Variants in CACNG2 observed in about 807,000 individuals in gnomAD.
CACNG2 encodes calcium voltage-gated channel auxiliary subunit gamma 2, also known as voltage-dependent calcium channel gamma-2 subunit.
CACNG2 carries 3 observed loss-of-function variants against 25.9 expected under a neutral mutation model. The observed-to-expected ratio is 0.12, with a 90% CI of 0.05 to 0.30. The LOEUF (loss-of-function observed/expected upper bound fraction) is 0.30, where lower values mean the gene tolerates loss of function less well. Ranked by LOEUF, CACNG2 falls within the 10% of genes least tolerant of loss-of-function variation. CACNG2 has a pLI of 1.00. For missense variants in CACNG2, 341 were observed against 432.5 expected, an observed-to-expected ratio of 0.79 and a Z score of 1.88; for synonymous variants, 167 against 173.3, an observed-to-expected ratio of 0.96 and a Z score of 0.29.
chr22:36,609,556 G>A (rs1935897722), intron 1 of CACNG2, among the ~76,000 whole-genome samples: 1 of 129,306 alleles, frequency 7.7e-6, no homozygotes, highest in African/African-American at 3.0e-5. Flanking sequence ...GAGCGTGATT[G>A]GGCAGGAATC....
At chr22:36,627,279 CGTGTGTGTGTGTGTGT>C (rs58015913) in intron 1 of CACNG2, among the ~76,000 whole-genome samples, 7 of 131,148 alleles carry the variant, frequency 5.3e-5, no homozygotes, top group East Asian at 2.3e-4. Context: ...AGAGTGGGGA[CGTGTGTGTGTGTGTGT>C]GTGTGTGTGT....
intron 1 of CACNG2, among the ~76,000 whole-genome samples, chr22:36,622,308 G>A (rs1163567774): frequency 6.6e-6 from 1 of 152,220 alleles, no homozygotes; most frequent in Non-Finnish European, 1.5e-5. Context: ...TTGTGGAAAT[G>A]CAGACTGCAG....
At chr22:36,591,235 G>A (rs1935587678) in intron 1 of CACNG2, among the ~76,000 whole-genome samples, 1 of 151,990 alleles carries the variant, frequency 6.6e-6, no homozygotes, top group African/African-American at 2.4e-5. Flanking sequence ...TAGAGACGGG[G>A]TTTCACTGTG....
At chr22:36,694,093 G>T (rs1937301510) in intron 1 of CACNG2, among the ~76,000 whole-genome samples, 1 of 152,160 alleles carries the variant, frequency 6.6e-6, no homozygotes, top group Non-Finnish European at 1.5e-5. Flanking sequence ...CTGAGTCACG[G>T]GGCAGGCACC....
chr22:36,696,775 G>T (rs1008627540), intron 1 of CACNG2, among the ~76,000 whole-genome samples: 1 of 152,186 alleles, frequency 6.6e-6, no homozygotes, highest in Admixed American at 6.5e-5. Context: ...CAAATAAGGT[G>T]ATCTGAGAAA....
chr22:36,582,334 A>G (rs1033902679), intron 2 of CACNG2, among the ~76,000 whole-genome samples: 25 of 151,636 alleles, frequency 1.6e-4, no homozygotes, highest in African/African-American at 5.6e-4. Context: ...CACGGGGCTC[A>G]GTCCTATTCC....
intron 1 of CACNG2, among the ~76,000 whole-genome samples, chr22:36,672,341 A>G (rs569762573): frequency 2.0e-5 from 3 of 152,162 alleles, no homozygotes; most frequent in South Asian, 4.2e-4. Context: ...AAATTTTTAT[A>G]GAGACTTGGT....
At position 36,642,939 on chromosome 22, in the gene CACNG2, A is replaced by G. The variant is rs77790168; in HGVS notation, c.212-55391T>C. 1.8e-4 allele frequency among the ~76,000 whole-genome samples: 27 copies of G among 152,328 alleles called. No homozygotes were observed. The East Asian group carries it at 4.6e-3, about 26-fold the overall frequency. On this transcript the variant is annotated intron_variant, in intron 1 of 3. Transcript: ENST00000300105. ...TCTAGTGATCTTTTCAAAGCAAGCC[A>G]TGAAACAGTTGTGTGGTCAGATGGT... is the stretch of plus-strand genomic sequence containing the variant.
At chr22:36,577,924 A>G (rs1454841135) in intron 2 of CACNG2, among the ~76,000 whole-genome samples, 1 of 152,096 alleles carries the variant, frequency 6.6e-6, no homozygotes, top group African/African-American at 2.4e-5. Flanking sequence ...TGGGCAGTGG[A>G]CAGGTAGCAG....
chr22:36,586,125 C>G (rs548066034), intron 2 of CACNG2, among the ~76,000 whole-genome samples: 1 of 152,352 alleles, frequency 6.6e-6, no homozygotes, highest in Non-Finnish European at 1.5e-5. Context: ...GCTGTGTCTC[C>G]CAAGTTGAGC....
intron 1 of CACNG2, among the ~76,000 whole-genome samples, chr22:36,631,393 C>T (rs1317214127): frequency 1.3e-5 from 2 of 152,146 alleles, no homozygotes; most frequent in African/African-American, 2.4e-5. Flanking sequence ...TGTGAAACAA[C>T]TGCCTCTCAG....
At chr22:36,679,141 C>CCTTCCTTCCTTCCTTCCTTT (rs1937054120) in intron 1 of CACNG2, among the ~76,000 whole-genome samples, 3 of 36,902 alleles carry the variant, frequency 8.1e-5, no homozygotes, top group Admixed American at 7.7e-4. Flanking sequence ...TTTCTCCCTT[C>CCTTCCTTCCTTCCTTCCTTT]CTTCCTTCCT....
Position 36,564,211 on chromosome 22 carries a change from GT to G in CACNG2, c.*139del. 1 of 684,022 alleles carries G rather than the reference GT, an allele frequency of 1.5e-6. No homozygotes were observed. The highest frequency in any genetic ancestry group is 2.3e-6 in the Non-Finnish European group (1 of 437,276). The allele number at this position is 684,022 out of a possible 1,614,324, so 42.4% of individuals were successfully genotyped here. A position where few individuals can be genotyped will look rare whatever the true frequency, so the allele number is the denominator to read the frequency against. On this transcript the variant is annotated 3_prime_UTR_variant, in exon 4 of 4. Coordinates refer to ENST00000300105, the MANE Select transcript of CACNG2 (RefSeq NM_006078.5). The surrounding 1 kb of genome is among the most constrained non-coding windows in gnomAD (Gnocchi z 6.7). Reference sequence around the variant, plus strand: ...TTTTTTTGTGTGTGTGTGTTTTTTTGTTTTTTGTTTTTTTGTTTTTTTTGTT... The same window carrying G: ...TTTTTTTGTGTGTGTGTGTTTTTTTGTTTTTGTTTTTTTGTTTTTTTTGTT...
intron 1 of CACNG2, among the ~76,000 whole-genome samples, chr22:36,609,141 G>A (rs1245418414): frequency 6.6e-6 from 1 of 151,964 alleles, no homozygotes; most frequent in Non-Finnish European, 1.5e-5. Context: ...TGATCGGGCA[G>A]GAATCAGCTC....
intron 1 of CACNG2, among the ~76,000 whole-genome samples, chr22:36,663,666 AAG>A (rs1483218654): frequency 6.6e-6 from 1 of 152,158 alleles, no homozygotes; most frequent in Non-Finnish European, 1.5e-5. Flanking sequence ...CAGACATCCA[AAG>A]AGTTTGCAGC....
intron 1 of CACNG2, among the ~76,000 whole-genome samples, chr22:36,642,877 A>G (rs1936460601): frequency 6.6e-6 from 1 of 152,228 alleles, no homozygotes; most frequent in Non-Finnish European, 1.5e-5. Context: ...TATTTTGAGC[A>G]TCACTTATGG....
intron 1 of CACNG2, among the ~76,000 whole-genome samples, chr22:36,624,761 G>T (rs1199489484): frequency 2.6e-5 from 4 of 152,088 alleles, no homozygotes; most frequent in African/African-American, 9.7e-5. Context: ...CGGGCCCGGT[G>T]GCTCCCGCCT....
intron 2 of CACNG2, among the ~76,000 whole-genome samples, chr22:36,583,911 C>A (rs1935460307): frequency 6.6e-6 from 1 of 152,228 alleles, no homozygotes; most frequent in African/African-American, 2.4e-5. Flanking sequence ...CACCCCTGCA[C>A]TGGGCTCCTG....
intron 2 of CACNG2, among the ~76,000 whole-genome samples, chr22:36,576,818 CAT>C (rs977003159): frequency 6.6e-6 from 1 of 152,120 alleles, no homozygotes; most frequent in African/African-American, 2.4e-5. Context: ...ATCTCACCCT[CAT>C]AGGGTGGTTG....
Sources: allele counts gnomAD v4.1 joint callset (sites outside exome capture counted in the v4.1 genomes callset), GRCh38; gene constraint gnomAD v4.1.1; non-coding constraint Gnocchi (gnomAD v3.1); transcripts MANE v1.5; gene names NCBI Gene and HGNC (gene_info 2026-07-23, HGNC 2026-07-21).